OTOG: variants seen among roughly 807,000 people sequenced by gnomAD.
The protein encoded by OTOG is otogelin.
OTOG carries 296 observed loss-of-function variants against 313.8 expected under a neutral mutation model. The observed-to-expected ratio is 0.94, with a 90% CI of 0.86 to 1.04. OTOG has a LOEUF of 1.04. OTOG is among the 50% of genes least tolerant of loss of function. The pLI is 0.00. For synonymous variants in OTOG, 1,533 were observed against 1,554.9 expected (o/e 0.99, Z 0.33); for missense variants, 3,948 against 3,840.1 (o/e 1.03, Z -0.74).
chr11:17,635,718 C>A lies in OTOG; in HGVS notation c.7795+7C>A. ...TGCCCTCTGTACCAGTGTGGTGAGT[C>A]CTGGCTGGGCACATGGCGGGCTGCG... On this transcript the variant is annotated splice_region_variant and intron_variant, in intron 47 of 55. Coordinates refer to ENST00000399397, the MANE Select transcript of OTOG (RefSeq NM_001292063.2). 1 of 1,548,528 alleles carries A rather than the reference C, an allele frequency of 6.5e-7. No individual in the cohort carries two copies. Among genetic ancestry groups the A allele is most frequent in the South Asian group, 1.2e-5 (1 of 84,018 alleles).
chr11:17,587,078 T>A (rs1472432427), intron 24 of OTOG, among the ~76,000 whole-genome samples: 1 of 152,262 alleles, frequency 6.6e-6, no homozygotes, highest in Non-Finnish European at 1.5e-5. Flanking sequence ...AGTGTGTGGA[T>A]GTATGTTTTT....
At position 17,610,630 on chromosome 11, in the gene OTOG, C is replaced by G; in HGVS notation, c.5330C>G (p.Thr1777Arg). 1 of 1,550,700 alleles carries G rather than the reference C, an allele frequency of 6.4e-7. No individual in the cohort carries two copies. Among genetic ancestry groups the G allele is most frequent in the Non-Finnish European group, 8.7e-7 (1 of 1,146,992 alleles). ...ACCCCAGCTGCCGCCAGCCTGTCAACAGCCACTGATGGGCTGGCAGCCACA... is the reference window on the plus strand; with the variant it reads ...ACCCCAGCTGCCGCCAGCCTGTCAAGAGCCACTGATGGGCTGGCAGCCACA... Reference protein sequence around the residue: ...PETPAAASLSTATDGLAATPF... With the variant: ...PETPAAASLSRATDGLAATPF... The change falls in exon 36 of 56, where the codon ACA (threonine) becomes AGA (arginine). Residue 1777 changes from threonine to arginine, a missense_variant. Coordinates refer to ENST00000399397, the MANE Select transcript of OTOG (RefSeq NM_001292063.2).
chr11:17,579,660 G>C (rs140397169), intron 23 of OTOG, among the ~76,000 whole-genome samples: 1 of 152,240 alleles, frequency 6.6e-6, no homozygotes, highest in Non-Finnish European at 1.5e-5. Context: ...GGGCCCCGGA[G>C]TGGCATTTGA....
In OTOG at chr11:17,645,642, C is replaced by T; in HGVS notation, c.8540C>T (p.Pro2847Leu). 1 of 1,550,686 alleles carries T rather than the reference C, an allele frequency of 6.4e-7. No homozygotes were observed. The highest frequency in any genetic ancestry group is 8.7e-7 in the Non-Finnish European group (1 of 1,147,012). Residue 2847 changes from proline to leucine, a missense_variant and splice_region_variant, in exon 55 of 56, where the codon CCT becomes CTT. By Grantham distance (98) the Pro-to-Leu change is moderately conservative. Transcript: ENST00000399397. ...AAGAATGAATGCAGGAGCAGCACCCCTGTGCGTGGTGCCCACAAGGCAGTG... is the reference window on the plus strand; with the variant it reads ...AAGAATGAATGCAGGAGCAGCACCCTTGTGCGTGGTGCCCACAAGGCAGTG... Reference protein sequence around the residue: ...IRKNECRSSTPVNLVSCDGRC... With the variant: ...IRKNECRSSTLVNLVSCDGRC...
chr11:17,644,450 G>T (rs371784110), intron 54 of OTOG, among the ~76,000 whole-genome samples: 14 of 152,272 alleles, frequency 9.2e-5, no homozygotes, highest in Non-Finnish European at 1.9e-4. Context: ...GGGTTACAGA[G>T]TGAGTGCACG....
At position 17,602,303 on chromosome 11, in the gene OTOG, G is replaced by A. The variant is rs1189914729; in HGVS notation, c.3803G>A (p.Arg1268Lys). 1.3e-6 allele frequency: 2 copies of A among 1,550,638 alleles called. No homozygotes were observed. The highest frequency in any genetic ancestry group is 1.7e-6 in the Non-Finnish European group (2 of 1,146,966). The change falls in exon 32 of 56, where the codon AGG (arginine) becomes AAG (lysine). Residue 1268 changes from arginine to lysine, a missense_variant. Transcript: ENST00000399397. ...GTGGGCGATGACATAGTCCTAGTGA[G>A]GACAGAGGATGTGGCGCCAGCAGAC... Reference protein sequence around the residue: ...KAVGDDIVLVRTEDVAPADIV... With the variant: ...KAVGDDIVLVKTEDVAPADIV...
rs745715097 is a variant in OTOG at position 17,632,169 on chromosome 11, G to C, written c.7015G>C (p.Val2339Leu). The C allele has an allele frequency of 8.4e-6, 13 of 1,550,990 alleles. No homozygotes were observed. The Admixed American group carries it at 2.2e-4, about 26-fold the overall frequency. The change falls in exon 42 of 56, where the codon GTG becomes CTG. Residue 2339 changes from valine (V) to leucine (L), a missense_variant. Val to Leu is a conservative substitution (Grantham distance 32). Transcript: ENST00000399397. ...GCCCTGCGTGGCCCTGACTGTGTACGTGGCCATGTGCCACAAATTTCATGT... is the reference window on the plus strand; with the variant it reads ...GCCCTGCGTGGCCCTGACTGTGTACCTGGCCATGTGCCACAAATTTCATGT... ...QQPCVALTVY[V>L]AMCHKFHVCI...
intron 39 of OTOG, among the ~76,000 whole-genome samples, chr11:17,628,406 T>C: frequency 6.6e-6 from 1 of 152,240 alleles, no homozygotes. Flanking sequence ...TTAATCTTTT[T>C]ATATTCCATT....
rs1261620474 is a variant in OTOG at position 17,635,781 on chromosome 11, C to A, written c.7795+70C>A. ...CCTTCACAGAGTTCCCACCCCGGAC[C>A]AATGGGGGTTGACAGGGAGCAACAG... On this transcript the variant is annotated intron_variant, in intron 47 of 55. Transcript: ENST00000399397. 3.1e-6 allele frequency: 4 copies of A among 1,283,070 alleles called. No homozygotes were observed. The East Asian group carries it at 7.6e-5, about 24-fold the overall frequency. 79.5% of individuals were successfully genotyped at this position (1,283,070 alleles called of 1,614,324 possible). A position where few individuals can be genotyped will look rare whatever the true frequency, so the allele number is the denominator to read the frequency against.
intron 24 of OTOG, among the ~76,000 whole-genome samples, chr11:17,587,470 C>A (rs190464256): frequency 1.7e-4 from 26 of 152,270 alleles, no homozygotes; most frequent in African/African-American, 6.0e-4. Flanking sequence ...AAGCCCCTGG[C>A]ACTGGAACTT....
At position 17,629,269 on chromosome 11, in the gene OTOG, T is replaced by A. The variant is rs1854057735; in HGVS notation, c.6665T>A (p.Ile2222Asn). 1 of 1,550,496 alleles carries A rather than the reference T, an allele frequency of 6.4e-7. No individual in the cohort carries two copies. The highest frequency in any genetic ancestry group is 1.4e-5 in the African/African-American group (1 of 73,068). The change falls in exon 40 of 56, where the codon ATC becomes AAC. Residue 2222 changes from isoleucine to asparagine, a missense_variant. Transcript: ENST00000399397. The stretch of plus-strand genomic sequence containing the variant: ...TGGCTCCACAGCTCAGGACTCATGA[T>A]CGTGGAGGCCAGCAAAACCAGCAAG... ...IQWLHSSGLM[I>N]VEASKTSKAQ...
At chr11:17,611,920 C>T (rs1853560423) in intron 36 of OTOG, among the ~76,000 whole-genome samples, 1 of 152,110 alleles carries the variant, frequency 6.6e-6, no homozygotes, top group Non-Finnish European at 1.5e-5. Flanking sequence ...CCAGACCTCT[C>T]AGCGCAGGCC....
chr11:17,593,805 G>A (rs1853017261), intron 27 of OTOG, 49 bp downstream of exon 27: 1 of 1,537,344 alleles, frequency 6.5e-7, no homozygotes, highest in East Asian at 2.5e-5. Flanking sequence ...GCTAAGCCAA[G>A]CCCTGGGTGT....
At chr11:17,620,280 T>A (rs1236246332) in intron 39 of OTOG, among the ~76,000 whole-genome samples, 1 of 152,204 alleles carries the variant, frequency 6.6e-6, no homozygotes, top group Admixed American at 6.5e-5. Context: ...CAACTACCAA[T>A]CTGCCTGTTG....
At chr11:17,612,135 C>T in intron 36 of OTOG, 27 bp from the exon 37 acceptor site, 1 of 1,548,320 alleles carries the variant, frequency 6.5e-7, no homozygotes, top group Non-Finnish European at 8.7e-7. Context: ...TTGATGGTCA[C>T]TCACACTTCC....
intron 32 of OTOG, among the ~76,000 whole-genome samples, chr11:17,604,188 A>C (rs2134078398): frequency 6.6e-6 from 1 of 152,292 alleles, no homozygotes; most frequent in South Asian, 2.1e-4. Context: ...TTAAACAAGA[A>C]ATACAGAGGA....
At position 17,553,132 on chromosome 11, in the gene OTOG, C is replaced by A; in HGVS notation, c.306C>A (p.Cys102Ter). The A allele has an allele frequency of 6.4e-7, 1 of 1,550,556 alleles. No individual in the cohort carries two copies. Residue 102 changes from cysteine (C) to a stop codon, truncating the protein, a stop_gained, in exon 5 of 56, where the codon TGC (cysteine) becomes TGA (stop). Transcript: ENST00000399397. LOFTEE classifies it high-confidence loss of function. Reference protein sequence around the residue: ...AKCAPSYLFSCFNGGECVHPA... With the variant: ...AKCAPSYLFS Reference sequence around the variant, plus strand: ...TCTCCCATGCAGACTTGTTCTCCTGCTTCAATGGAGGCGAGTGTGTGCACC... The same window carrying A: ...TCTCCCATGCAGACTTGTTCTCCTGATTCAATGGAGGCGAGTGTGTGCACC...
intron 21 of OTOG, 64 bp from the exon 22 acceptor site, chr11:17,576,804 C>T: frequency 6.5e-7 from 1 of 1,534,398 alleles, no homozygotes; most frequent in Non-Finnish European, 8.8e-7. Flanking sequence ...AGTGCAGCAA[C>T]ATGGGGTGTC....
intron 36 of OTOG, 78 bp from the exon 37 acceptor site, chr11:17,612,084 G>A (rs1853567519): frequency 3.3e-6 from 5 of 1,502,648 alleles, no homozygotes; most frequent in Admixed American, 2.0e-5. Flanking sequence ...ATGTGGGAAG[G>A]ATCTGGTGCC....
Sources: allele counts gnomAD v4.1 joint callset (sites outside exome capture counted in the v4.1 genomes callset), GRCh38; gene constraint gnomAD v4.1.1; transcripts MANE v1.5; gene names NCBI Gene and HGNC (gene_info 2026-07-23, HGNC 2026-07-21).